Variants in FRK observed in about 807,000 individuals in gnomAD.
The protein encoded by FRK is fyn related Src family tyrosine kinase.
A neutral mutation model predicts 56.4 loss-of-function variants in FRK; 51 were observed. The observed-to-expected ratio is 0.90, with a 90% CI of 0.72 to 1.14. The LOEUF is 1.14. FRK is among the 50% of genes most tolerant of loss of function. The pLI, the probability that FRK is intolerant of heterozygous loss-of-function variation, is 0.00. For synonymous variants in FRK, 245 were observed against 217.9 expected, an observed-to-expected ratio of 1.12 and a Z score of -1.10; for missense variants, 570 against 601.4, an observed-to-expected ratio of 0.95 and a Z score of 0.55.
At chr6:116,007,808 A>C (rs1010520135) in intron 1 of FRK, among the ~76,000 whole-genome samples, 2 of 151,800 alleles carry the variant, frequency 1.3e-5, no homozygotes, top group African/African-American at 4.8e-5. Flanking sequence ...TAATGGTTTC[A>C]ATAACTTTCT....
chr6:115,994,338 C>CTTTTTT (rs138130403), intron 2 of FRK, among the ~76,000 whole-genome samples: 1 of 91,768 alleles, frequency 1.1e-5, no homozygotes, highest in Non-Finnish European at 2.4e-5. Context: ...CCCCCCCCGC[C>CTTTTTT]TTTTTTTTGT....
intron 1 of FRK, among the ~76,000 whole-genome samples, chr6:116,031,796 T>A (rs1776312945): frequency 6.6e-6 from 1 of 152,126 alleles, no homozygotes; most frequent in Non-Finnish European, 1.5e-5. Flanking sequence ...GTCTTGGTTA[T>A]CTTTAACCAA....
At chr6:115,981,448 AT>A in intron 2 of FRK, among the ~76,000 whole-genome samples, 1 of 152,178 alleles carries the variant, frequency 6.6e-6, no homozygotes, top group Non-Finnish European at 1.5e-5. Context: ...TTAACCACTA[AT>A]TTCCTATTTC....
chr6:115,986,840 A>C (rs1005533041), intron 2 of FRK, among the ~76,000 whole-genome samples: 2 of 152,150 alleles, frequency 1.3e-5, no homozygotes, highest in African/African-American at 2.4e-5. Context: ...TACATCGAGT[A>C]ATGTGTGTTG....
At chr6:116,004,349 T>C (rs1272113748) in intron 1 of FRK, among the ~76,000 whole-genome samples, 1 of 151,026 alleles carries the variant, frequency 6.6e-6, no homozygotes, top group East Asian at 1.9e-4. Flanking sequence ...GGCTCTAAAA[T>C]GACTCATCAT....
chr6:115,952,362 C>T (rs932900738), intron 5 of FRK, among the ~76,000 whole-genome samples: 4 of 152,076 alleles, frequency 2.6e-5, no homozygotes, highest in African/African-American at 9.7e-5. Flanking sequence ...CAAATCAAAA[C>T]CACAATGAAA....
intron 2 of FRK, among the ~76,000 whole-genome samples, chr6:115,997,720 G>T (rs574581884): frequency 6.6e-6 from 1 of 152,086 alleles, no homozygotes; most frequent in South Asian, 2.1e-4. Flanking sequence ...TTTTCTCTTT[G>T]TTCCTCATAA....
the FRK span, among the ~76,000 whole-genome samples, chr6:116,078,762 G>A: frequency 1.3e-5 from 2 of 152,122 alleles, no homozygotes; most frequent in African/African-American, 4.8e-5. Context: ...CTCTCCCAGT[G>A]CCAAACACTT....
At chr6:116,085,024 G>A in the FRK span, among the ~76,000 whole-genome samples, 1 of 152,158 alleles carries the variant, frequency 6.6e-6, no homozygotes, top group Non-Finnish European at 1.5e-5. Context: ...ATAGAAGGGG[G>A]CAGTTAAGAG....
chr6:116,082,152 G>A, the FRK span, among the ~76,000 whole-genome samples: 1 of 152,144 alleles, frequency 6.6e-6, no homozygotes, highest in Non-Finnish European at 1.5e-5. Context: ...AGCTTGTACC[G>A]CATATTTGAG....
intron 2 of FRK, among the ~76,000 whole-genome samples, chr6:115,998,597 C>G (rs1425735050): frequency 1.3e-5 from 2 of 152,126 alleles, no homozygotes; most frequent in African/African-American, 2.4e-5. Flanking sequence ...AAATTGATAC[C>G]TTCCCTGACT....
chr6:116,070,724 A>G, the FRK span, among the ~76,000 whole-genome samples: 4 of 152,176 alleles, frequency 2.6e-5, no homozygotes, highest in African/African-American at 9.6e-5. Flanking sequence ...AACAGCAACA[A>G]CAAATGCACC....
At chr6:116,037,694 A>G (rs1382650215) in intron 1 of FRK, among the ~76,000 whole-genome samples, 1 of 152,154 alleles carries the variant, frequency 6.6e-6, no homozygotes, top group Non-Finnish European at 1.5e-5. Flanking sequence ...CTTAAACATT[A>G]GCTTATTTCT....
At chr6:116,100,034 T>C in the FRK span, among the ~76,000 whole-genome samples, 1 of 152,246 alleles carries the variant, frequency 6.6e-6, no homozygotes, top group Non-Finnish European at 1.5e-5. Flanking sequence ...AGTTATACAG[T>C]TCTTGAGAGA....
intron 1 of FRK, among the ~76,000 whole-genome samples, chr6:116,024,282 T>C (rs1228131951): frequency 6.6e-6 from 1 of 152,144 alleles, no homozygotes; most frequent in Non-Finnish European, 1.5e-5. Flanking sequence ...ATTATTATTA[T>C]ACTTTAAGTT....
chr6:116,063,071 T>C (rs1777677977), upstream of FRK, among the ~76,000 whole-genome samples: 1 of 152,164 alleles, frequency 6.6e-6, no homozygotes, highest in Non-Finnish European at 1.5e-5. Flanking sequence ...GTAGTTTTTA[T>C]AATAGTAACA....
At chr6:116,039,052 T>C (rs1469501991) in intron 1 of FRK, 4 of 758,996 alleles carry the variant, frequency 5.3e-6, no homozygotes, top group Non-Finnish European at 9.9e-6. Flanking sequence ...AGAGTAGGCA[T>C]GTCTTTGGGG....
At chr6:116,057,801 T>C (rs550083490) in intron 1 of FRK, among the ~76,000 whole-genome samples, 1 of 152,358 alleles carries the variant, frequency 6.6e-6, no homozygotes, top group Non-Finnish European at 1.5e-5. Flanking sequence ...GCCATAATAA[T>C]TTAGTTGCCT....
intron 2 of FRK, among the ~76,000 whole-genome samples, chr6:115,985,916 T>A (rs866225841): frequency 1.3e-5 from 1 of 79,380 alleles, no homozygotes; most frequent in Non-Finnish European, 3.0e-5. Context: ...ATCATTATGA[T>A]TAGAATGCTG....
Sources: allele counts gnomAD v4.1 joint callset (sites outside exome capture counted in the v4.1 genomes callset), GRCh38; gene constraint gnomAD v4.1.1; transcripts MANE v1.5; gene names NCBI Gene and HGNC (gene_info 2026-07-23, HGNC 2026-07-21).